PTPRA: variants seen among roughly 807,000 people sequenced by gnomAD.
PTPRA encodes the protein protein tyrosine phosphatase receptor type A.
A neutral mutation model predicts 104.8 loss-of-function variants in PTPRA; 25 were observed. The observed-to-expected ratio is 0.24, with a 90% CI of 0.17 to 0.33. PTPRA has a LOEUF of 0.33. PTPRA is among the 10% of genes least tolerant of loss of function. The pLI is 1.00. For missense variants in PTPRA, 765 were observed against 1,015.3 expected (o/e 0.75, Z 3.35); for synonymous variants, 323 against 368.9 (o/e 0.88, Z 1.43).
At chr20:2,909,702 T>G (rs2059554224) in intron 1 of PTPRA, among the ~76,000 whole-genome samples, 1 of 146,884 alleles carries the variant, frequency 6.8e-6, no homozygotes, top group Non-Finnish European at 1.5e-5. Flanking sequence ...AAGTTTGAAT[T>G]TCATATAATT....
At chr20:2,890,972 T>C (rs1252353821) in intron 1 of PTPRA, among the ~76,000 whole-genome samples, 1 of 152,214 alleles carries the variant, frequency 6.6e-6, no homozygotes, top group Non-Finnish European at 1.5e-5. Context: ...TGGTCTCCAT[T>C]GGGCTATCTC....
chr20:3,037,429 A>G lies in PTPRA; in HGVS notation c.2334+140A>G. 1 of 1,343,890 alleles carries G rather than the reference A, an allele frequency of 7.4e-7. No homozygotes were observed. The allele number at this position is 1,343,890 out of a possible 1,614,324, so 83.2% of individuals were successfully genotyped here. ...TGCCCTTGCCCTCCCAAGGTGCCCC[A>G]AATACACAGGAAACATTGGGAGGCA... On this transcript the variant is annotated intron_variant, in intron 23 of 23. Transcript: ENST00000399903. The surrounding 1 kb of genome is among the most constrained non-coding windows in gnomAD (Gnocchi z 4.3).
At chr20:3,017,638 C>T (rs1459806079) in intron 12 of PTPRA, among the ~76,000 whole-genome samples, 178 bp from the exon 13 acceptor site, 1 of 152,120 alleles carries the variant, frequency 6.6e-6, no homozygotes, top group Non-Finnish European at 1.5e-5. Context: ...CTGGCACATA[C>T]ATGGTAGAAA....
chr20:2,866,705 T>G, the PTPRA span: 1 of 1,369,336 alleles, frequency 7.3e-7, no homozygotes, highest in Non-Finnish European at 9.9e-7. Context: ...CAGGGCTGTC[T>G]GGTTTTAAAT....
At chr20:2,993,834 A>T (rs1451777501) in intron 9 of PTPRA, among the ~76,000 whole-genome samples, 1 of 152,220 alleles carries the variant, frequency 6.6e-6, no homozygotes, top group Non-Finnish European at 1.5e-5. Flanking sequence ...TTGAAAATCA[A>T]GGTGGCACAG....
intron 2 of PTPRA, among the ~76,000 whole-genome samples, chr20:2,930,680 C>T (rs1176970773): frequency 1.3e-5 from 2 of 152,116 alleles, no homozygotes; most frequent in African/African-American, 4.8e-5. Context: ...TTTTCCCTGT[C>T]TGTTTTCACA....
At chr20:3,012,180 G>C (rs1246254848) in intron 11 of PTPRA, among the ~76,000 whole-genome samples, 1 of 152,198 alleles carries the variant, frequency 6.6e-6, no homozygotes, top group Non-Finnish European at 1.5e-5. Context: ...AATTTATCTA[G>C]GCCGTGGGGT....
At chr20:2,908,991 C>T (rs1250605773) in intron 1 of PTPRA, among the ~76,000 whole-genome samples, 1 of 152,120 alleles carries the variant, frequency 6.6e-6, no homozygotes, top group Non-Finnish European at 1.5e-5. Context: ...GGATACTGAG[C>T]AGCAGTGGAA....
At chr20:3,027,326 C>A in intron 19 of PTPRA, 129 bp downstream of exon 19, 1 of 941,742 alleles carries the variant, frequency 1.1e-6, no homozygotes, top group Non-Finnish European at 1.7e-6. Context: ...TGAATTGATA[C>A]TCACCCACCC....
chr20:2,877,779 G>T (rs1232669314), intron 1 of PTPRA, among the ~76,000 whole-genome samples: 1 of 152,192 alleles, frequency 6.6e-6, no homozygotes, highest in African/African-American at 2.4e-5. Context: ...TATAGTAGCA[G>T]TCAGTACATA....
rs2062985903 is a variant in PTPRA, at chr20:2,988,123, G to A, written c.601+18G>A. The A allele has an allele frequency of 3.2e-6, 5 of 1,555,858 alleles. No individual in the cohort carries two copies. The African/African-American group carries it at 6.8e-5, about 21-fold the overall frequency. On this transcript the variant is annotated intron_variant, in intron 8 of 23. Coordinates refer to ENST00000399903, the MANE Select transcript of PTPRA (RefSeq NM_001385305.1). ...GGATGTGGGTAAGGCATTCCTTAAT[G>A]TCATGGGGAACCTTCACAAGGAAGG...
chr20:3,035,747 A>G lies in PTPRA; in HGVS notation c.2046+37A>G, dbSNP rs1422118624. On this transcript the variant is annotated intron_variant, in intron 21 of 23. Coordinates refer to ENST00000399903, the MANE Select transcript of PTPRA (RefSeq NM_001385305.1). This position sits in a 1 kb window ranked among gnomAD's most constrained non-coding sequence, Gnocchi z 5.8. ...CGTGGGTGGACTCTGCCCACAGGAA[A>G]AGCAGGGTTACCCCTGCCTCCCTGA... The G allele has an allele frequency of 1.2e-6, 2 of 1,614,166 alleles. No homozygotes were observed. The highest frequency in any genetic ancestry group is 2.2e-5 in the South Asian group (2 of 91,074).
At chr20:2,880,178 G>A (rs891378948) in intron 1 of PTPRA, among the ~76,000 whole-genome samples, 1 of 152,206 alleles carries the variant, frequency 6.6e-6, no homozygotes, top group African/African-American at 2.4e-5. Context: ...TTGTTAAAAA[G>A]TTCACTGTGG....
intron 1 of PTPRA, among the ~76,000 whole-genome samples, chr20:2,911,008 G>A (rs1207992524): frequency 1.3e-5 from 2 of 148,632 alleles, no homozygotes; most frequent in African/African-American, 2.5e-5. Flanking sequence ...CTCCTGCCTC[G>A]GCTTCCCAAA....
intron 2 of PTPRA, among the ~76,000 whole-genome samples, chr20:2,946,234 G>A (rs1226821389): frequency 6.6e-6 from 1 of 152,024 alleles, no homozygotes; most frequent in African/African-American, 2.4e-5. Flanking sequence ...GTTGCGCAGT[G>A]GGGAGTTGAG....
intron 3 of PTPRA, among the ~76,000 whole-genome samples, chr20:2,960,501 G>A (rs571104104): frequency 2.4e-4 from 36 of 151,738 alleles, no homozygotes; most frequent in African/African-American, 7.7e-4. Context: ...CGCCCACCTC[G>A]GCCTCCCAAA....
chr20:2,899,222 G>A (rs77852816), intron 1 of PTPRA, among the ~76,000 whole-genome samples: 2,356 of 152,220 alleles, frequency 0.015, 124 homozygotes, highest in Admixed American at 0.09. Context: ...TATAGTCCTA[G>A]CTAGAGTGAG....
At position 2,987,915 on chromosome 20, in the gene PTPRA, C is replaced by T. The variant is rs770351355; in HGVS notation, c.528-117C>T. 3.2e-5 allele frequency: 32 copies of T among 1,013,954 alleles called. No homozygotes were observed. The South Asian group carries it at 3.4e-4, about 11-fold the overall frequency. 62.8% of individuals were successfully genotyped at this position (1,013,954 alleles called of 1,614,324 possible). On this transcript the variant is annotated intron_variant, in intron 7 of 23. Coordinates refer to ENST00000399903, the MANE Select transcript of PTPRA (RefSeq NM_001385305.1). ...TGTGCATGACCTGTCTCTAAAAAAGCCCGATTATTTTTAAAGGCGATTTAG... is the reference window on the plus strand; with the variant it reads ...TGTGCATGACCTGTCTCTAAAAAAGTCCGATTATTTTTAAAGGCGATTTAG...
intron 2 of PTPRA, among the ~76,000 whole-genome samples, chr20:2,934,733 G>A (rs112074062): frequency 0.037 from 5,344 of 145,540 alleles, 330 homozygotes; most frequent in African/African-American, 0.13. Flanking sequence ...GTGCAGTGGC[G>A]CCATCTCAGC....
Sources: gnomAD v4.1 joint callset for allele counts (sites outside exome capture counted in the v4.1 genomes callset) on GRCh38, gnomAD v4.1.1 for gene constraint, Gnocchi (gnomAD v3.1) non-coding constraint, MANE v1.5 for transcripts, NCBI Gene and HGNC (gene_info 2026-07-23, HGNC 2026-07-21) for gene names.